TCOF1: variants seen among roughly 807,000 people sequenced by gnomAD.
The protein encoded by TCOF1 is treacle protein.
In TCOF1, 33 loss-of-function variants were observed where a neutral mutation model predicts 149.0. The observed-to-expected ratio is 0.22, with a 90% CI of 0.17 to 0.30. TCOF1 has a LOEUF of 0.30. Among genes scored for constraint, TCOF1 ranks in the 10% least tolerant of loss-of-function variants. The pLI, the probability that TCOF1 is intolerant of heterozygous loss-of-function variation, is 1.00. For synonymous variants in TCOF1, 789 were observed against 738.8 expected (o/e 1.07, Z -1.10); for missense variants, 1,728 against 1,840.7 (o/e 0.94, Z 1.12).
intron 5 of TCOF1, 84 bp downstream of exon 5, chr5:150,368,986 CAT>C: frequency 6.5e-7 from 1 of 1,548,578 alleles, no homozygotes; most frequent in Non-Finnish European, 8.9e-7. Context: ...AGTTCTGGGA[CAT>C]TTCTGGAATC....
In TCOF1 at chr5:150,366,639, CTTTTTTTTTTT is replaced by C. The variant is rs1204091560; in HGVS notation, c.305-1189_305-1179del. On this transcript the variant is annotated intron_variant, in intron 3 of 26. Coordinates refer to ENST00000643257, the MANE Select transcript of TCOF1 (RefSeq NM_001371623.1). ...TGCCATTCATCTCAGCAACATTCTT[CTTTTTTTTTTT>C]TTTTTTTTTTTTTTTGAGACGGAGT... is the stretch of plus-strand genomic sequence containing the variant. Among the ~76,000 whole-genome samples, 4 of 64,362 alleles carry C rather than the reference CTTTTTTTTTTT, an allele frequency of 6.2e-5. 1 individual carries two copies. The highest frequency in any genetic ancestry group is 3.8e-4 in the Admixed American group (3 of 7,794). 42.2% of individuals were successfully genotyped at this position (64,362 alleles called of 152,430 possible).
Position 150,388,064 on chromosome 5 carries a change from C to T in TCOF1, c.3022C>T (p.Pro1008Ser), listed in dbSNP as rs776730670. 3 of 1,613,472 alleles carry T rather than the reference C, an allele frequency of 1.9e-6. No homozygotes were observed. In the Admixed American group the frequency reaches 5.0e-5, roughly 27 times the overall value. Residue 1008 changes from proline to serine, a missense_variant, in exon 18 of 27, where the codon CCC becomes TCC. Around this residue, in one of 2 missense-constraint regions of TCOF1, gnomAD observed 1,696 missense variants for 1,765.4 expected, o/e 0.96. Transcript: ENST00000643257. ...CGAGAGCGAGGATGAGGACGTGATC[C>T]CCGCTACACAGTGCTTGACTCCTGG... is the stretch of plus-strand genomic sequence containing the variant. ...SSESEDEDVI[P>S]ATQCLTPGIR...
intron 3 of TCOF1, among the ~76,000 whole-genome samples, chr5:150,367,402 TC>T (rs1158462925): frequency 6.6e-6 from 1 of 152,198 alleles, no homozygotes; most frequent in Non-Finnish European, 1.5e-5. Flanking sequence ...CCATTTGAAT[TC>T]CAGGCAACTT....
In TCOF1 at chr5:150,376,298, G is replaced by A; in HGVS notation, c.2110G>A (p.Glu704Lys). ...CAGTGAGGAATCAGATAGTGAGGAA[G>A]AGAAGACAGGTCTTGCAGTAACCGT... Reference protein sequence around the residue: ...SSSEESDSEEEKTGLAVTVGQ... With the variant: ...SSSEESDSEEKKTGLAVTVGQ... Residue 704 changes from glutamate to lysine, a missense_variant, in exon 13 of 27, where the codon GAG becomes AAG. By Grantham distance (56) the Glu-to-Lys change is moderately conservative (BLOSUM62 1). Transcript: ENST00000643257. 4 of 1,614,222 alleles carry A rather than the reference G, an allele frequency of 2.5e-6. No individual in the cohort carries two copies. The highest frequency in any genetic ancestry group is 3.4e-6 in the Non-Finnish European group (4 of 1,180,044).
chr5:150,388,301 C>T (rs1221875596), intron 18 of TCOF1, among the ~76,000 whole-genome samples: 1 of 152,184 alleles, frequency 6.6e-6, no homozygotes, highest in African/African-American at 2.4e-5. Context: ...TTTTTTGTGG[C>T]AGCCCCAGTC....
At chr5:150,373,605 G>A (rs1395917861) in intron 7 of TCOF1, among the ~76,000 whole-genome samples, 22 of 152,310 alleles carry the variant, frequency 1.4e-4, no homozygotes, top group African/African-American at 5.1e-4. Flanking sequence ...GAGGGGGCCA[G>A]GTGTGCAAAC....
intron 1 of TCOF1, among the ~76,000 whole-genome samples, chr5:150,358,199 GC>G (rs952587789): frequency 1.3e-5 from 2 of 151,848 alleles, no homozygotes; most frequent in African/African-American, 2.4e-5. Flanking sequence ...GCTCTGCGCG[GC>G]CCCCCCTGGG....
At chr5:150,366,282 T>C (rs1156416136) in intron 3 of TCOF1, among the ~76,000 whole-genome samples, 2 of 151,950 alleles carry the variant, frequency 1.3e-5, no homozygotes, top group Non-Finnish European at 2.9e-5. Flanking sequence ...GTCCAGGCAT[T>C]GGAGGTTGCA....
At chr5:150,365,422 C>T (rs1020519793) in intron 3 of TCOF1, among the ~76,000 whole-genome samples, 1 of 151,966 alleles carries the variant, frequency 6.6e-6, no homozygotes, top group Non-Finnish European at 1.5e-5. Flanking sequence ...AAATGCAAAA[C>T]GAGTTCACTT....
intron 1 of TCOF1, among the ~76,000 whole-genome samples, chr5:150,358,975 A>C (rs776374259): frequency 5.1e-4 from 76 of 150,464 alleles, no homozygotes; most frequent in Admixed American, 6.6e-4. Flanking sequence ...TTGAGGATAC[A>C]GTATGAGCCA....
At chr5:150,388,561 A>G (rs945169630) in intron 18 of TCOF1, among the ~76,000 whole-genome samples, 2 of 152,212 alleles carry the variant, frequency 1.3e-5, no homozygotes, top group African/African-American at 2.4e-5. Flanking sequence ...GATTCTACCA[A>G]TGACAACAGG....
At chr5:150,382,349 T>TG (rs1180671565) in intron 17 of TCOF1, among the ~76,000 whole-genome samples, 1 of 147,716 alleles carries the variant, frequency 6.8e-6, no homozygotes, top group Non-Finnish European at 1.5e-5. Flanking sequence ...AAGGAACAGA[T>TG]GGGGGCATGG....
chr5:150,374,924 G>A (rs1037634199), intron 9 of TCOF1, 30 bp from the exon 10 acceptor site: 11 of 1,613,682 alleles, frequency 6.8e-6, no homozygotes, highest in Admixed American at 1.7e-5. Flanking sequence ...CACCCTCTGG[G>A]CTCTCCCCTC....
chr5:150,381,480 G>GA (rs1765164307), intron 17 of TCOF1, among the ~76,000 whole-genome samples: 1 of 152,220 alleles, frequency 6.6e-6, no homozygotes, highest in South Asian at 2.1e-4. Flanking sequence ...CCTGAAGGAT[G>GA]ACCAGGCACA....
Position 150,392,769 on chromosome 5 carries a change from T to G in TCOF1, c.3582T>G (p.Asp1194Glu), listed in dbSNP as rs1209665402. ...AGACCGCAGCAGAGTCCAGCGAGGA[T>G]GATGTGGTGGCGCCATCCCAGGTAA... ...VEETAAESSE[D>E]DVVAPSQSLL... Residue 1194 changes from aspartate to glutamate, a missense_variant, in exon 22 of 27, where the codon GAT becomes GAG. Asp to Glu is a conservative substitution (Grantham distance 45, BLOSUM62 2). Coordinates refer to ENST00000643257, the MANE Select transcript of TCOF1 (RefSeq NM_001371623.1). 20 of 1,614,016 alleles carry G rather than the reference T, an allele frequency of 1.2e-5. No individual in the cohort carries two copies. The highest frequency in any genetic ancestry group is 1.7e-5 in the Non-Finnish European group (20 of 1,179,980).
At chr5:150,369,249 A>G (rs905278771) in intron 5 of TCOF1, among the ~76,000 whole-genome samples, 1 of 152,212 alleles carries the variant, frequency 6.6e-6, no homozygotes, top group Admixed American at 6.5e-5. Flanking sequence ...ATCAGTGGAT[A>G]TGATGGTGGA....
chr5:150,373,212 TTGTGTG>T lies in TCOF1; in HGVS notation c.871-944_871-939del, dbSNP rs113101162. On this transcript the variant is annotated intron_variant, in intron 7 of 26. Transcript: ENST00000643257. ...ACAGGCACACACCACCACACCCAGC[TTGTGTG>T]TGTGTGTGTGTGTGTGTATAGACAG... is the stretch of plus-strand genomic sequence containing the variant. Among the ~76,000 whole-genome samples, 114 of 148,762 alleles carry T rather than the reference TTGTGTG, an allele frequency of 7.7e-4. 1 individual carries two copies. Among genetic ancestry groups the T allele is most frequent in the African/African-American group, 2.8e-3 (112 of 40,674 alleles).
At chr5:150,381,394 G>C (rs1326121637) in intron 17 of TCOF1, among the ~76,000 whole-genome samples, 1 of 152,238 alleles carries the variant, frequency 6.6e-6, no homozygotes, top group Non-Finnish European at 1.5e-5. Context: ...GATTATCGCA[G>C]ACTATGCTAG....
In TCOF1 at chr5:150,374,396, G is replaced by A. The variant is rs1763232179; in HGVS notation, c.1083+10G>A. ...CAAGGCCCTGCTTCAGGTGAGGCCT[G>A]AGGAGGGAGACTCCATGCAGCCAGG... On this transcript the variant is annotated intron_variant, in intron 8 of 26. Coordinates refer to ENST00000643257, the MANE Select transcript of TCOF1 (RefSeq NM_001371623.1). 6.4e-7 allele frequency: 1 copy of A among 1,552,142 alleles called. No individual in the cohort carries two copies. Among genetic ancestry groups the A allele is most frequent in the African/African-American group, 1.4e-5 (1 of 72,976 alleles).
Sources: allele counts gnomAD v4.1 joint callset (sites outside exome capture counted in the v4.1 genomes callset), GRCh38; gene constraint gnomAD v4.1.1; regional missense constraint gnomAD v4.1.1; transcripts MANE v1.5; gene names NCBI Gene and HGNC (gene_info 2026-07-23, HGNC 2026-07-21).